The following IL20RA variants were observed in gnomAD, a reference collection of about 807,000 sequenced individuals.
IL20RA encodes the protein interleukin 20 receptor subunit alpha.
Under a neutral mutation model 36.5 loss-of-function variants are expected in IL20RA, and 29 were observed. That is an observed-to-expected ratio of 0.79 (90% CI 0.59 to 1.08). The LOEUF (loss-of-function observed/expected upper bound fraction) is 1.08. Among genes scored for constraint, IL20RA ranks in the 50% least tolerant of loss-of-function variants. IL20RA has a pLI of 0.00. For missense variants in IL20RA, 652 were observed against 668.4 expected, an observed-to-expected ratio of 0.98 and a Z score of 0.27; for synonymous variants, 279 against 267.1, an observed-to-expected ratio of 1.04 and a Z score of -0.43.
In IL20RA at chr6:137,000,474, T is replaced by G. The variant is rs1379001454; in HGVS notation, c.*1084A>C. On this transcript the variant is annotated 3_prime_UTR_variant, in exon 7 of 7. Transcript: ENST00000316649. ...TTTTCTTAACAAGTGGTAAAGGAGA[T>G]GGGAACAGTTACTGGAAATGAACTA... 6.6e-6 allele frequency: 1 copy of G among 152,214 alleles called. No individual in the cohort carries two copies. Among genetic ancestry groups the G allele is most frequent in the African/African-American group, 2.4e-5 (1 of 41,450 alleles). The allele number at this position is 152,214 out of a possible 1,614,324, so 9.4% of individuals were successfully genotyped here. A position where few individuals can be genotyped will look rare whatever the true frequency, so the allele number is the denominator to read the frequency against.
intron 2 of IL20RA, among the ~76,000 whole-genome samples, chr6:137,011,810 G>A (rs1482161891): frequency 3.3e-5 from 5 of 152,100 alleles, no homozygotes; most frequent in Non-Finnish European, 7.3e-5. Flanking sequence ...CTATGTACAC[G>A]AGGTCAGTTT....
intron 1 of IL20RA, among the ~76,000 whole-genome samples, chr6:137,036,079 C>T (rs1253088267): frequency 6.6e-6 from 1 of 152,166 alleles, no homozygotes; most frequent in African/African-American, 2.4e-5. Context: ...GACAGCTCTG[C>T]CTTATGGTCA....
chr6:137,044,145 G>A (rs1252544565), intron 1 of IL20RA: 1 of 985,666 alleles, frequency 1.0e-6, no homozygotes, highest in Non-Finnish European at 1.2e-6. Flanking sequence ...ACCCTTTCGG[G>A]GAGTTTGGCT....
rs1431692489 is a variant in IL20RA, at chr6:137,001,704, G to A, written c.1516C>T (p.Pro506Ser). 1 of 1,613,876 alleles carries A rather than the reference G, an allele frequency of 6.2e-7. No homozygotes were observed. The highest frequency in any genetic ancestry group is 2.2e-5 in the East Asian group (1 of 44,902). The change falls in exon 7 of 7, where the codon CCT (proline) becomes TCT (serine). Residue 506 changes from proline (P) to serine (S), a missense_variant. Pro to Ser is a moderately conservative substitution (Grantham distance 74, BLOSUM62 -1). Coordinates refer to ENST00000316649, the MANE Select transcript of IL20RA (RefSeq NM_014432.4). ...TCTCCGAGCCCATCCCCCTCAGAAGGCTCGCAGCCCTCTGAATCCTGGTCG... is the reference window on the plus strand; with the variant it reads ...TCTCCGAGCCCATCCCCCTCAGAAGACTCGCAGCCCTCTGAATCCTGGTCG... ...SFDQDSEGCE[P>S]SEGDGLGEEG...
intron 6 of IL20RA, 70 bp from the exon 7 acceptor site, chr6:137,002,425 G>T: frequency 1.0e-6 from 1 of 987,280 alleles, no homozygotes. Flanking sequence ...CTGTTAGGTA[G>T]AATATCTTGT....
At position 137,027,847 on chromosome 6, in the gene IL20RA, G is replaced by A. The variant is rs191474888; in HGVS notation, c.89-10744C>T. ...GTGTGCTGGCCAAGACAGGGCTCTC[G>A]CCTGGGATACTTACATTTAGGTAAG... On this transcript the variant is annotated intron_variant, in intron 1 of 6. Coordinates refer to ENST00000316649, the MANE Select transcript of IL20RA (RefSeq NM_014432.4). Among the ~76,000 whole-genome samples the A allele has an allele frequency of 8.4e-4, 128 of 152,274 alleles. 6 individuals carry two copies. In the South Asian group the frequency reaches 0.021, roughly 24 times the overall value.
Position 137,044,945 on chromosome 6 carries a change from C to A in IL20RA, c.-217G>T. 1 of 344,824 alleles carries A rather than the reference C, an allele frequency of 2.9e-6. No individual in the cohort carries two copies. The highest frequency in any genetic ancestry group is 5.1e-6 in the Non-Finnish European group (1 of 196,260). 21.4% of individuals were successfully genotyped at this position (344,824 alleles called of 1,614,324 possible). A position where few individuals can be genotyped will look rare whatever the true frequency, so the allele number is the denominator to read the frequency against. ...GACTCGCGGAGCCCCCACGCGCGCTCCCCCGGCTACCCAGCTGGATGGCAG... is the reference window on the plus strand; with the variant it reads ...GACTCGCGGAGCCCCCACGCGCGCTACCCCGGCTACCCAGCTGGATGGCAG... On this transcript the variant is annotated 5_prime_UTR_variant, in exon 1 of 7. Transcript: ENST00000316649.
At chr6:137,043,438 C>A (rs1192676429) in intron 1 of IL20RA, among the ~76,000 whole-genome samples, 2 of 152,134 alleles carry the variant, frequency 1.3e-5, no homozygotes, top group Non-Finnish European at 2.9e-5. Context: ...AAACAAATTT[C>A]TGTCTGTTAG....
At position 137,002,060 on chromosome 6, in the gene IL20RA, G is replaced by A; in HGVS notation, c.1160C>T (p.Ser387Phe). 4 of 1,614,156 alleles carry A rather than the reference G, an allele frequency of 2.5e-6. No individual in the cohort carries two copies. The highest frequency in any genetic ancestry group is 1.1e-5 in the South Asian group (1 of 91,082). ...TEGTSLTQQE[S>F]LSRTIPPDKT... ...ATCCGGGGGTATTGTTCTGCTGAGG[G>A]ACTCTTGCTGGGTGAGAGAAGTACC... Residue 387 changes from serine to phenylalanine, a missense_variant, in exon 7 of 7, where the codon TCC becomes TTC. Coordinates refer to ENST00000316649, the MANE Select transcript of IL20RA (RefSeq NM_014432.4).
At chr6:137,032,356 A>T (rs1180803495) in intron 1 of IL20RA, among the ~76,000 whole-genome samples, 2 of 152,208 alleles carry the variant, frequency 1.3e-5, no homozygotes, top group Non-Finnish European at 1.5e-5. Context: ...ATGGCCTGGT[A>T]CTGCCCAGGC....
chr6:137,008,865 C>T (rs1187077046), intron 4 of IL20RA, 122 bp from the exon 5 acceptor site: 88 of 142,066 alleles, frequency 6.2e-4, no homozygotes, highest in South Asian at 3.8e-3. Flanking sequence ...TCAGTATAAG[C>T]TTTTTTTTTT....
rs186194569 is a variant in IL20RA, at chr6:137,021,289, A to T, written c.89-4186T>A. Among the ~76,000 whole-genome samples the T allele has an allele frequency of 2.0e-5, 3 of 152,288 alleles. No individual in the cohort carries two copies. In the East Asian group the frequency reaches 5.8e-4, roughly 29 times the overall value. On this transcript the variant is annotated intron_variant, in intron 1 of 6. Transcript: ENST00000316649. ...TTTTCTGCAAAGAGGAGTTAAAAGA[A>T]TTCTCTCACATGGACTGCTTGTTCC...
intron 5 of IL20RA, among the ~76,000 whole-genome samples, chr6:137,008,380 T>G (rs576305812): frequency 8.5e-5 from 13 of 152,350 alleles, no homozygotes; most frequent in African/African-American, 3.1e-4. Flanking sequence ...GGGACCTGTA[T>G]GAGTTCTCCG....
chr6:137,044,586 G>C (rs776668187), intron 1 of IL20RA, 55 bp downstream of exon 1: 9 of 1,216,194 alleles, frequency 7.4e-6, no homozygotes, highest in Non-Finnish European at 8.2e-6. Context: ...TCTGCCTGGC[G>C]GGGCCCCGGC....
intron 1 of IL20RA, chr6:137,044,183 G>T (rs1335765513): frequency 1.0e-6 from 1 of 986,576 alleles, no homozygotes; most frequent in African/African-American, 1.7e-5. Flanking sequence ...GCGACGCGCG[G>T]CTTGCAGGAC....
At chr6:137,014,618 GTTAA>G (rs1196292739) in intron 2 of IL20RA, among the ~76,000 whole-genome samples, 1 of 151,914 alleles carries the variant, frequency 6.6e-6, no homozygotes, top group African/African-American at 2.4e-5. Context: ...ATATTGAGAG[GTTAA>G]TTATTAAAAT....
chr6:137,012,840 G>T (rs1175876546), intron 2 of IL20RA, among the ~76,000 whole-genome samples: 2 of 152,118 alleles, frequency 1.3e-5, no homozygotes, highest in African/African-American at 4.8e-5. Context: ...TCAGAATATG[G>T]CAACAGATTT....
chr6:137,022,951 G>A (rs1466962746), intron 1 of IL20RA, among the ~76,000 whole-genome samples: 2 of 152,150 alleles, frequency 1.3e-5, no homozygotes, highest in Non-Finnish European at 2.9e-5. Flanking sequence ...CCTTGATTTT[G>A]ACTTCTAGCT....
At chr6:137,017,980 CA>C (rs1775764217) in intron 1 of IL20RA, among the ~76,000 whole-genome samples, 1 of 152,114 alleles carries the variant, frequency 6.6e-6, no homozygotes, top group Non-Finnish European at 1.5e-5. Flanking sequence ...ATGTAGGAAT[CA>C]AAATATTAAT....
Sources: allele counts gnomAD v4.1 joint callset (sites outside exome capture counted in the v4.1 genomes callset), GRCh38; gene constraint gnomAD v4.1.1; transcripts MANE v1.5; gene names NCBI Gene and HGNC (gene_info 2026-07-23, HGNC 2026-07-21).